Variants in CEP76 observed in about 807,000 individuals in gnomAD.
CEP76 encodes the protein centrosomal protein 76.
CEP76 carries 55 observed loss-of-function variants against 83.3 expected under a neutral mutation model. The ratio of observed to expected loss-of-function variants is 0.66; its 90% CI spans 0.53 to 0.83. The LOEUF is 0.83. Ranked by LOEUF, CEP76 falls within the 40% of genes least tolerant of loss-of-function variation. The pLI is 0.00. For missense variants in CEP76, 694 were observed against 799.5 expected, an observed-to-expected ratio of 0.87 and a Z score of 1.59; for synonymous variants, 270 against 274.5, an observed-to-expected ratio of 0.98 and a Z score of 0.16.
intron 12 of CEP76, among the ~76,000 whole-genome samples, chr18:12,667,612 T>A (rs1390142707): frequency 6.6e-6 from 1 of 151,296 alleles, no homozygotes; most frequent in Non-Finnish European, 1.5e-5. Flanking sequence ...AATACAAAAA[T>A]TAGCCGGGCG....
chr18:12,676,894 G>GA (rs2039153824), intron 10 of CEP76, among the ~76,000 whole-genome samples: 1 of 152,140 alleles, frequency 6.6e-6, no homozygotes. Context: ...AAAGAACACA[G>GA]AAAACAGGGC....
chr18:12,669,627 T>C (rs2038889206), downstream of CEP76, among the ~76,000 whole-genome samples: 1 of 152,182 alleles, frequency 6.6e-6, no homozygotes, highest in African/African-American at 2.4e-5. Flanking sequence ...CTTGGAGACA[T>C]TATGTTTTTT....
chr18:12,674,844 C>G lies in CEP76; in HGVS notation c.1624-91G>C, dbSNP rs948447420. 7 of 672,530 alleles carry G rather than the reference C, an allele frequency of 1.0e-5. No individual in the cohort carries two copies. In the Admixed American group the frequency reaches 2.4e-4, roughly 23 times the overall value. 41.7% of individuals were successfully genotyped at this position (672,530 alleles called of 1,614,324 possible). ...AAATGTTGATTATTTTAATGTATAC[C>G]AAGAAAAGATTTTTAAAAGCTATCA... On this transcript the variant is annotated intron_variant, in intron 10 of 11. Transcript: ENST00000262127.
Position 12,702,329 on chromosome 18 carries a change from G to C in CEP76, c.63+157C>G, listed in dbSNP as rs964119752. 21 of 594,056 alleles carry C rather than the reference G, an allele frequency of 3.5e-5. No individual in the cohort carries two copies. In the Admixed American group the frequency reaches 5.3e-4, roughly 15 times the overall value. The allele number at this position is 594,056 out of a possible 1,614,324, so 36.8% of individuals were successfully genotyped here. ...TTCTCGGAGACGAGGACGCTCTCCT[G>C]CCTCAAACTCAAAGCTCTGCCTACT... is the stretch of plus-strand genomic sequence containing the variant. On this transcript the variant is annotated intron_variant, in intron 1 of 11. Transcript: ENST00000262127.
chr18:12,667,848 CTTTTTTTT>C (rs36019439), downstream of CEP76, among the ~76,000 whole-genome samples: 1 of 116,738 alleles, frequency 8.6e-6, no homozygotes, highest in African/African-American at 3.3e-5. Flanking sequence ...CTTTCTGATC[CTTTTTTTT>C]TTTTTTTTTT....
chr18:12,668,783 G>A (rs1598607205), downstream of CEP76, among the ~76,000 whole-genome samples: 1 of 120,414 alleles, frequency 8.3e-6, no homozygotes. Flanking sequence ...CTGTCACCCA[G>A]GCTGGAGTGT....
rs1259653623 is a variant in CEP76 at position 12,675,866 on chromosome 18, A to C, written c.1624-1113T>G. ...GTATTTTTAGTAGAGACGGGCTTTC[A>C]CCATGTTGGCCAGGCTGGTCTCAAA... On this transcript the variant is annotated intron_variant, in intron 10 of 11. Transcript: ENST00000262127. 4.0e-5 allele frequency among the ~76,000 whole-genome samples: 6 copies of C among 151,754 alleles called. No homozygotes were observed. In the East Asian group the frequency reaches 1.2e-3, roughly 29 times the overall value.
intron 12 of CEP76, among the ~76,000 whole-genome samples, chr18:12,665,298 G>A (rs1048072272): frequency 1.3e-5 from 2 of 152,106 alleles, no homozygotes; most frequent in African/African-American, 2.4e-5. Flanking sequence ...GTGGTGGTAT[G>A]TGCCTGTGGT....
At chr18:12,670,885 G>A (rs114928316), downstream of CEP76, 185 of 151,990 alleles carry the variant, frequency 1.2e-3, no homozygotes, top group African/African-American at 4.3e-3. Context: ...CTGAACCCAA[G>A]AGATTCTCCT....
In CEP76 at chr18:12,697,208, T is replaced by G. The variant is rs749366947; in HGVS notation, c.706+15A>C. 1.3e-6 allele frequency: 2 copies of G among 1,559,030 alleles called. No homozygotes were observed. Among genetic ancestry groups the G allele is most frequent in the African/African-American group, 1.4e-5 (1 of 73,240 alleles). ...GGCTATAAAAAGGTTAACAATGATA[T>G]ATTAATCACCATACCTACACCCATA... On this transcript the variant is annotated intron_variant, in intron 5 of 11. Transcript: ENST00000262127.
intron 12 of CEP76, among the ~76,000 whole-genome samples, chr18:12,665,719 C>G (rs905499120): frequency 2.0e-5 from 3 of 151,938 alleles, no homozygotes; most frequent in Admixed American, 1.3e-4. Context: ...TTTTTTGAGA[C>G]AGAGTCTTGC....
At chr18:12,674,230 A>G (rs1568009450) in intron 11 of CEP76, among the ~76,000 whole-genome samples, 1 of 151,970 alleles carries the variant, frequency 6.6e-6, no homozygotes, top group Non-Finnish European at 1.5e-5. Flanking sequence ...TGAGCCCAGG[A>G]GTTCAAGACC....
chr18:12,702,713 G>T lies in CEP76; in HGVS notation c.-165C>A. ...GCAACGCCGCGTCAGGCCGGGGGCT[G>T]ACCTGGAAATGAGGCCCCGGCGGCG... On this transcript the variant is annotated 5_prime_UTR_variant, in exon 1 of 12. Coordinates refer to ENST00000262127, the MANE Select transcript of CEP76 (RefSeq NM_024899.4). The T allele has an allele frequency of 1.4e-6, 1 of 730,848 alleles. No homozygotes were observed. Among genetic ancestry groups the T allele is most frequent in the Non-Finnish European group, 2.1e-6 (1 of 470,322 alleles). The allele number at this position is 730,848 out of a possible 1,614,324, so 45.3% of individuals were successfully genotyped here.
chr18:12,702,627 G>A lies in CEP76; in HGVS notation c.-79C>T. On this transcript the variant is annotated 5_prime_UTR_variant, in exon 1 of 12. In the 5' UTR this introduces an upstream ATG that the reference lacks. Transcript: ENST00000262127. Reference sequence around the variant, plus strand: ...CGCGGCCCCGGCCGGGCCAGGGAGCGTTAGGAGCGACTGGAGCACAAAGCG... The same window carrying A: ...CGCGGCCCCGGCCGGGCCAGGGAGCATTAGGAGCGACTGGAGCACAAAGCG... 6.8e-7 allele frequency: 1 copy of A among 1,480,924 alleles called. No homozygotes were observed. 91.7% of individuals were successfully genotyped at this position (1,480,924 alleles called of 1,614,324 possible). A position where few individuals can be genotyped will look rare whatever the true frequency, so the allele number is the denominator to read the frequency against.
At chr18:12,691,185 G>A (rs1490262356) in intron 7 of CEP76, 174 bp downstream of exon 7, 1 of 441,214 alleles carries the variant, frequency 2.3e-6, no homozygotes, top group Non-Finnish European at 3.9e-6. Context: ...GACATAGATT[G>A]ATCTTGCCAC....
At chr18:12,691,660 C>A (rs2039767866) in intron 6 of CEP76, among the ~76,000 whole-genome samples, 173 bp from the exon 7 acceptor site, 1 of 152,002 alleles carries the variant, frequency 6.6e-6, no homozygotes, top group Non-Finnish European at 1.5e-5. Context: ...TAGTACAATC[C>A]CATCTCCATA....
chr18:12,671,642 C>T (rs12967273), downstream of CEP76, among the ~76,000 whole-genome samples: 1,063 of 55,546 alleles, frequency 0.019, 22 homozygotes, highest in Middle Eastern at 0.026. Context: ...TTCACACTTT[C>T]TTTTTTTTTT....
chr18:12,668,416 C>A (rs2038849096), downstream of CEP76, among the ~76,000 whole-genome samples: 1 of 151,668 alleles, frequency 6.6e-6, no homozygotes, highest in Non-Finnish European at 1.5e-5. Context: ...CAAGACAAAA[C>A]CCTGTCCATA....
At position 12,674,656 on chromosome 18, in the gene CEP76, G is replaced by A. The variant is rs1450885859; in HGVS notation, c.1721C>T (p.Ala574Val). Residue 574 changes from alanine to valine, a missense_variant, in exon 11 of 12, where the codon GCA (alanine) becomes GTA (valine). Ala to Val is a moderately conservative substitution (Grantham distance 64, BLOSUM62 0). Transcript: ENST00000262127. ...YEFERTTSIS[A>V]GNEEFQDAIR... ...GGCATCTTGAAATTCTTCATTGCCT[G>A]CTGATATACTTGTTGTACGCTCAAA... 2 of 1,613,864 alleles carry A rather than the reference G, an allele frequency of 1.2e-6. No homozygotes were observed. Among genetic ancestry groups the A allele is most frequent in the Non-Finnish European group, 1.7e-6 (2 of 1,179,808 alleles).
Sources: gnomAD v4.1 joint callset for allele counts (sites outside exome capture counted in the v4.1 genomes callset) on GRCh38, gnomAD v4.1.1 for gene constraint, MANE v1.5 for transcripts, NCBI Gene and HGNC (gene_info 2026-07-23, HGNC 2026-07-21) for gene names.